Variants in ITPKB observed in about 807,000 individuals in gnomAD.
The protein encoded by ITPKB is IP3 3-kinase B.
In ITPKB, 13 loss-of-function variants were observed where a neutral mutation model predicts 69.4. That is an observed-to-expected ratio of 0.19 (90% CI 0.12 to 0.30). The LOEUF is 0.30. Among genes scored for constraint, ITPKB ranks in the 10% least tolerant of loss-of-function variants. The pLI, the probability that ITPKB is intolerant of heterozygous loss-of-function variation, is 1.00. For missense variants in ITPKB, 1,240 were observed against 1,250.5 expected (o/e 0.99, Z 0.13); for synonymous variants, 584 against 513.7 (o/e 1.14, Z -1.85).
intron 2 of ITPKB, among the ~76,000 whole-genome samples, chr1:226,718,227 G>A (rs924631894): frequency 2.7e-5 from 4 of 149,662 alleles, no homozygotes; most frequent in African/African-American, 9.9e-5. Flanking sequence ...CCAGGAGGCG[G>A]AGCTTGCAGT....
At chr1:226,653,365 G>T (rs1349778754) in intron 2 of ITPKB, among the ~76,000 whole-genome samples, 1 of 152,212 alleles carries the variant, frequency 6.6e-6, no homozygotes, top group Non-Finnish European at 1.5e-5. Context: ...GACTGGGCAG[G>T]AAGGACAAGA....
intron 2 of ITPKB, among the ~76,000 whole-genome samples, chr1:226,651,844 G>A (rs966921898): frequency 1.3e-5 from 2 of 152,168 alleles, no homozygotes; most frequent in African/African-American, 2.4e-5. Context: ...CTCTCACATC[G>A]CTGAGCTCTG....
At chr1:226,665,549 A>G (rs1669480235) in intron 2 of ITPKB, among the ~76,000 whole-genome samples, 1 of 152,166 alleles carries the variant, frequency 6.6e-6, no homozygotes, top group South Asian at 2.1e-4. Context: ...ATAGAACACC[A>G]AGACAAAACG....
At chr1:226,713,846 A>G (rs1300793179) in intron 2 of ITPKB, among the ~76,000 whole-genome samples, 1 of 152,130 alleles carries the variant, frequency 6.6e-6, no homozygotes, top group Admixed American at 6.5e-5. Context: ...AATCTACCAC[A>G]TCCAGGCTAT....
chr1:226,638,865 G>T (rs1368230446), intron 6 of ITPKB, among the ~76,000 whole-genome samples: 1 of 151,930 alleles, frequency 6.6e-6, no homozygotes, highest in African/African-American at 2.4e-5. Flanking sequence ...CTCTCTCAGG[G>T]CATGGGAAAT....
At chr1:226,651,298 A>AG (rs1336182018) in intron 2 of ITPKB, among the ~76,000 whole-genome samples, 10 of 152,238 alleles carry the variant, frequency 6.6e-5, no homozygotes, top group Admixed American at 6.5e-4. Flanking sequence ...GCGTTGAGGC[A>AG]GGCCAACCTG....
At position 226,641,794 on chromosome 1, in the gene ITPKB, G is replaced by A. The variant is rs748021018; in HGVS notation, c.2451+127C>T. The A allele has an allele frequency of 3.5e-5, 30 of 851,418 alleles. No homozygotes were observed. Among genetic ancestry groups the A allele is most frequent in the Non-Finnish European group, 5.5e-5 (30 of 544,418 alleles). The allele number at this position is 851,418 out of a possible 1,614,324, so 52.7% of individuals were successfully genotyped here. On this transcript the variant is annotated intron_variant, in intron 5 of 7. Coordinates refer to ENST00000429204, the MANE Select transcript of ITPKB (RefSeq NM_002221.4). The surrounding 1 kb of genome is among the most constrained non-coding windows in gnomAD (Gnocchi z 4.6). The stretch of plus-strand genomic sequence containing the variant: ...ATGTCTCCAAATGTCTGGCCTTGGG[G>A]CGGGCCACCCACATTCTGAGCCTGT...
chr1:226,650,173 A>G (rs1262256231), intron 2 of ITPKB, among the ~76,000 whole-genome samples: 1 of 152,242 alleles, frequency 6.6e-6, no homozygotes, highest in Non-Finnish European at 1.5e-5. Context: ...TGGGTCCCCA[A>G]GGTGAAGTCA....
chr1:226,653,577 C>T (rs1292951588), intron 2 of ITPKB, among the ~76,000 whole-genome samples: 2 of 152,198 alleles, frequency 1.3e-5, no homozygotes, highest in Admixed American at 6.5e-5. Context: ...TAAGCTCTCC[C>T]ATGTGTCAGA....
intron 2 of ITPKB, among the ~76,000 whole-genome samples, chr1:226,729,531 A>C (rs1423699884): frequency 6.7e-6 from 1 of 150,188 alleles, no homozygotes; most frequent in East Asian, 2.0e-4. Context: ...TCCCAGACCC[A>C]GATTTCGATA....
intron 2 of ITPKB, among the ~76,000 whole-genome samples, chr1:226,679,162 T>C (rs994712668): frequency 7.9e-5 from 12 of 152,222 alleles, no homozygotes; most frequent in Admixed American, 7.8e-4. Context: ...TGACAGCGTC[T>C]ATTCAGAATT....
intron 2 of ITPKB, among the ~76,000 whole-genome samples, chr1:226,667,490 A>AGC (rs1368109954): frequency 1.3e-5 from 2 of 152,230 alleles, no homozygotes; most frequent in Admixed American, 1.3e-4. Flanking sequence ...AACCAGAGGC[A>AGC]GCAGCATCCA....
At chr1:226,660,747 A>G (rs1669388440) in intron 2 of ITPKB, among the ~76,000 whole-genome samples, 1 of 152,192 alleles carries the variant, frequency 6.6e-6, no homozygotes, top group Non-Finnish European at 1.5e-5. Flanking sequence ...ATAGGAGGAA[A>G]CAGGGAGTGG....
chr1:226,683,020 C>T (rs973584358), intron 2 of ITPKB, among the ~76,000 whole-genome samples: 1 of 152,218 alleles, frequency 6.6e-6, no homozygotes. Context: ...TGTCTGCCCA[C>T]AGACTCACAC....
At chr1:226,720,472 ATCCCAG>A (rs1247535793) in intron 2 of ITPKB, among the ~76,000 whole-genome samples, 1 of 152,238 alleles carries the variant, frequency 6.6e-6, no homozygotes, top group Non-Finnish European at 1.5e-5. Context: ...ATGAGTTAAA[ATCCCAG>A]TCCTGCCATT....
chr1:226,725,182 T>C (rs1321907760), intron 2 of ITPKB, among the ~76,000 whole-genome samples: 1 of 152,238 alleles, frequency 6.6e-6, no homozygotes. Flanking sequence ...AAATTTCCAA[T>C]ATGTCTATTG....
chr1:226,719,492 A>G (rs1213839203), intron 2 of ITPKB, among the ~76,000 whole-genome samples: 1 of 150,892 alleles, frequency 6.6e-6, no homozygotes. Flanking sequence ...CTTCACCTCT[A>G]TCACCTATTG....
At chr1:226,651,732 T>C (rs1475984365) in intron 2 of ITPKB, among the ~76,000 whole-genome samples, 1 of 152,134 alleles carries the variant, frequency 6.6e-6, no homozygotes, top group Non-Finnish European at 1.5e-5. Context: ...GCTAAGAAAC[T>C]TCCAGTTCTT....
At chr1:226,716,475 A>T (rs1160364879) in intron 2 of ITPKB, among the ~76,000 whole-genome samples, 1 of 152,144 alleles carries the variant, frequency 6.6e-6, no homozygotes, top group Non-Finnish European at 1.5e-5. Context: ...TACATAGGTA[A>T]ACAAGTGCCA....
Sources: allele counts gnomAD v4.1 joint callset (sites outside exome capture counted in the v4.1 genomes callset), GRCh38; gene constraint gnomAD v4.1.1; non-coding constraint Gnocchi (gnomAD v3.1); transcripts MANE v1.5; gene names NCBI Gene and HGNC (gene_info 2026-07-23, HGNC 2026-07-21).